Variants in ZNF808 observed in about 807,000 individuals in gnomAD.
The protein encoded by ZNF808 is zinc finger protein 808.
Under a neutral mutation model 8.7 loss-of-function variants are expected in ZNF808, and 5 were observed. The ratio of observed to expected loss-of-function variants is 0.58; its 90% CI spans 0.30 to 1.21. The LOEUF is 1.21. Ranked by LOEUF, ZNF808 falls within the 50% of genes most tolerant of loss-of-function variation. The pLI is 0.07. For missense variants in ZNF808, 1,103 were observed against 1,098.4 expected, an observed-to-expected ratio of 1.00 and a Z score of -0.06; for synonymous variants, 380 against 366.0, an observed-to-expected ratio of 1.04 and a Z score of -0.44.
intron 4 of ZNF808, among the ~76,000 whole-genome samples, chr19:52,551,286 A>G (rs1199150027): frequency 1.3e-5 from 2 of 151,484 alleles, no homozygotes; most frequent in African/African-American, 4.8e-5. Context: ...TGGGAGGTGG[A>G]TGGTGCAGTG....
intron 4 of ZNF808, among the ~76,000 whole-genome samples, chr19:52,548,934 T>G (rs1446105670): frequency 6.6e-6 from 1 of 151,878 alleles, no homozygotes; most frequent in Non-Finnish European, 1.5e-5. Context: ...CTTGGCCAAC[T>G]TGGTGAAACC....
intron 4 of ZNF808, among the ~76,000 whole-genome samples, chr19:52,548,842 G>T (rs547465387): frequency 1.3e-5 from 2 of 152,138 alleles, no homozygotes; most frequent in Non-Finnish European, 2.9e-5. Context: ...ACCAGGCTGG[G>T]TGCGGTGGCT....
In ZNF808 at chr19:52,538,636, C is replaced by A. The variant is rs78853392; in HGVS notation, c.-19-4630C>A. Among the ~76,000 whole-genome samples the A allele has an allele frequency of 1.2e-3, 86 of 72,986 alleles. 3 individuals carry two copies. The highest frequency in any genetic ancestry group is 8.9e-3 in the Middle Eastern group (1 of 112). 47.9% of individuals were successfully genotyped at this position (72,986 alleles called of 152,430 possible). On this transcript the variant is annotated intron_variant, in intron 2 of 4. Coordinates refer to ENST00000359798, the MANE Select transcript of ZNF808 (RefSeq NM_001039886.4). ...AGAGCGAAACTCTGTCTCAAAAAAA[C>A]CAAAAAAGAATGGAGCAAAACAGGA...
At chr19:52,540,909 T>A (rs534047581) in intron 2 of ZNF808, among the ~76,000 whole-genome samples, 2 of 152,234 alleles carry the variant, frequency 1.3e-5, no homozygotes, top group African/African-American at 4.8e-5. Flanking sequence ...TGAAAGAAGT[T>A]TCGTTTGCTC....
chr19:52,530,329 G>A (rs1331385131), intron 1 of ZNF808, among the ~76,000 whole-genome samples: 1 of 152,028 alleles, frequency 6.6e-6, no homozygotes, highest in Non-Finnish European at 1.5e-5. Context: ...CAAAGTGCTG[G>A]GATTCCTGGC....
downstream of ZNF808, among the ~76,000 whole-genome samples, chr19:52,557,476 C>T (rs1254632302): frequency 6.6e-6 from 1 of 152,036 alleles, no homozygotes; most frequent in African/African-American, 2.4e-5. Flanking sequence ...CCATGTGGGC[C>T]AAGCTGGTCT....
At chr19:52,533,107 C>T (rs1340182109) in intron 2 of ZNF808, 98 bp downstream of exon 2, 1 of 152,156 alleles carries the variant, frequency 6.6e-6, no homozygotes, top group Non-Finnish European at 1.5e-5. Context: ...TTCCTTTCAT[C>T]TCTTTTCTTA....
At chr19:52,535,685 G>A (rs1195137881) in intron 2 of ZNF808, among the ~76,000 whole-genome samples, 1 of 152,252 alleles carries the variant, frequency 6.6e-6, no homozygotes, top group Non-Finnish European at 1.5e-5. Context: ...GTTATGTTCT[G>A]TGGGCCATCA....
chr19:52,543,671 A>G (rs2059694166), intron 3 of ZNF808, among the ~76,000 whole-genome samples: 1 of 152,194 alleles, frequency 6.6e-6, no homozygotes, highest in Non-Finnish European at 1.5e-5. Context: ...TGGATTGTTC[A>G]GGGGCCACAT....
chr19:52,539,184 A>ATTTTTT (rs3049209), intron 2 of ZNF808, among the ~76,000 whole-genome samples: 3 of 117,752 alleles, frequency 2.5e-5, no homozygotes, highest in Non-Finnish European at 3.5e-5. Flanking sequence ...TCTTCATTTC[A>ATTTTTT]TTTTTTTTTT....
At chr19:52,543,810 C>T (rs1254031944) in intron 3 of ZNF808, among the ~76,000 whole-genome samples, 1 of 151,556 alleles carries the variant, frequency 6.6e-6, no homozygotes, top group Non-Finnish European at 1.5e-5. Context: ...GCATTTGAAG[C>T]CACACTAGTA....
downstream of ZNF808, among the ~76,000 whole-genome samples, chr19:52,561,158 T>TTCTCTCTC (rs1191860993): frequency 9.5e-5 from 5 of 52,690 alleles, no homozygotes; most frequent in African/African-American, 2.4e-4. Flanking sequence ...CTTCTATCTG[T>TTCTCTCTC]TCTCTCTCTC....
At chr19:52,547,174 T>C (rs907266438) in intron 3 of ZNF808, among the ~76,000 whole-genome samples, 2 of 151,912 alleles carry the variant, frequency 1.3e-5, no homozygotes, top group East Asian at 1.9e-4. Flanking sequence ...TCTCAAACTC[T>C]TGACCTCAAA....
In ZNF808 at chr19:52,553,116, C is replaced by G. The variant is rs759074504; in HGVS notation, c.200C>G (p.Ser67Cys). 7.7e-6 allele frequency: 12 copies of G among 1,554,278 alleles called. No homozygotes were observed. Among genetic ancestry groups the G allele is most frequent in the Non-Finnish European group, 1.0e-5 (12 of 1,155,656 alleles). The change falls in exon 5 of 5, where the codon TCC (serine) becomes TGC (cysteine). Residue 67 changes from serine (S) to cysteine (C), a missense_variant. Ser to Cys is a moderately radical substitution (Grantham distance 112). Transcript: ENST00000359798. ...TGTTTATATTTTGTAGATATCTCTT[C>G]CAAACACATGATGAAGGAGGTCTTG... is the stretch of plus-strand genomic sequence containing the variant. ...YRNLEAVDIS[S>C]KHMMKEVLST...
chr19:52,557,490 ACTC>A (rs1446101269), downstream of ZNF808, among the ~76,000 whole-genome samples: 1 of 151,522 alleles, frequency 6.6e-6, no homozygotes, highest in Non-Finnish European at 1.5e-5. Context: ...CTGGTCTCGA[ACTC>A]CTGACTTCAG....
At position 52,540,734 on chromosome 19, in the gene ZNF808, G is replaced by A. The variant is rs763860090; in HGVS notation, c.-19-2532G>A. The stretch of plus-strand genomic sequence containing the variant: ...GGAACCTTGGTTTAGCAGAGCCCAT[G>A]TGTTCTTGAGAAAAGCATTTGCTCA... On this transcript the variant is annotated intron_variant, in intron 2 of 4. Transcript: ENST00000359798. Among the ~76,000 whole-genome samples the A allele has an allele frequency of 1.1e-4, 17 of 152,278 alleles. No individual in the cohort carries two copies. In the South Asian group the frequency reaches 3.5e-3, roughly 32 times the overall value.
chr19:52,564,423 C>CAA, exon 4 of ZNF808: 3 of 278,912 alleles, frequency 1.1e-5, no homozygotes, highest in Non-Finnish European at 2.0e-5. Flanking sequence ...CCTTTCATTT[C>CAA]AAAAAAAAAA....
chr19:52,536,546 C>G (rs1304625902), intron 2 of ZNF808, among the ~76,000 whole-genome samples: 1 of 152,160 alleles, frequency 6.6e-6, no homozygotes, highest in Admixed American at 6.5e-5. Flanking sequence ...CCAATTCTTC[C>G]CTTCGCAGTC....
chr19:52,564,948 C>T (rs1301951271), downstream of ZNF808, among the ~76,000 whole-genome samples: 3 of 152,032 alleles, frequency 2.0e-5, no homozygotes, highest in African/African-American at 7.2e-5. Context: ...GAGCCAGGCG[C>T]TGTGGCAGGG....
Sources: gnomAD v4.1 joint callset for allele counts (sites outside exome capture counted in the v4.1 genomes callset) on GRCh38, gnomAD v4.1.1 for gene constraint, MANE v1.5 for transcripts, NCBI Gene and HGNC (gene_info 2026-07-23, HGNC 2026-07-21) for gene names.